CNBD1: variants seen among roughly 807,000 people sequenced by gnomAD.
CNBD1 encodes the protein cyclic nucleotide-binding domain-containing protein 1.
Under a neutral mutation model 54.4 loss-of-function variants are expected in CNBD1, and 71 were observed. The observed-to-expected ratio is 1.30, with a 90% CI of 1.08 to 1.59. The LOEUF is 1.59. Among genes scored for constraint, CNBD1 ranks in the 40% most tolerant of loss-of-function variants. CNBD1 has a pLI of 0.00. For synonymous variants in CNBD1, 182 were observed against 170.7 expected (o/e 1.07, Z -0.51); for missense variants, 659 against 518.0 (o/e 1.27, Z -2.64).
chr8:87,137,265 T>C (rs1812275131), intron 4 of CNBD1, among the ~76,000 whole-genome samples: 2 of 149,758 alleles, frequency 1.3e-5, no homozygotes. Flanking sequence ...GGCTCTATCT[T>C]GGCTAACTGC....
chr8:86,944,494 G>A (rs904096250), intron 4 of CNBD1, among the ~76,000 whole-genome samples: 1 of 152,220 alleles, frequency 6.6e-6, no homozygotes, highest in Non-Finnish European at 1.5e-5. Context: ...ACAGGAGAAA[G>A]AGGAGAGAGA....
chr8:86,979,628 T>G (rs112444368), intron 4 of CNBD1, among the ~76,000 whole-genome samples: 153 of 152,166 alleles, frequency 1.0e-3, no homozygotes, highest in African/African-American at 3.6e-3. Flanking sequence ...TAATTCCAAA[T>G]GATTTCTCTC....
At chr8:87,217,573 C>T (rs1586336566) in intron 5 of CNBD1, among the ~76,000 whole-genome samples, 2 of 144,884 alleles carry the variant, frequency 1.4e-5, no homozygotes, top group Non-Finnish European at 1.5e-5. Context: ...TTTTATTAAG[C>T]TTTTTTTTTT....
At chr8:87,238,512 A>C (rs1458447857) in intron 6 of CNBD1, among the ~76,000 whole-genome samples, 2 of 152,248 alleles carry the variant, frequency 1.3e-5, no homozygotes, top group East Asian at 3.9e-4. Context: ...TAATGTCACT[A>C]TCTCAAATTT....
chr8:87,297,315 A>G (rs1808897522), intron 8 of CNBD1, among the ~76,000 whole-genome samples: 1 of 152,134 alleles, frequency 6.6e-6, no homozygotes, highest in Admixed American at 6.6e-5. Context: ...AGTCTTCAAA[A>G]TCCAGTGTTA....
chr8:87,018,254 CA>C (rs1586201051), intron 4 of CNBD1, among the ~76,000 whole-genome samples: 3 of 152,150 alleles, frequency 2.0e-5, no homozygotes, highest in East Asian at 3.9e-4. Context: ...AAAAACAAAA[CA>C]AAAAACAAAA....
intron 4 of CNBD1, among the ~76,000 whole-genome samples, chr8:86,961,102 G>A (rs1321481052): frequency 6.6e-6 from 1 of 151,992 alleles, no homozygotes; most frequent in Non-Finnish European, 1.5e-5. Flanking sequence ...TTTATATATA[G>A]CAATATATGT....
intron 8 of CNBD1, among the ~76,000 whole-genome samples, chr8:87,297,118 C>A (rs1248800538): frequency 7.5e-6 from 1 of 133,356 alleles, no homozygotes; most frequent in Non-Finnish European, 1.5e-5. Context: ...GTGGAGCTTG[C>A]AGTGAGCCGA....
At chr8:87,149,118 G>A (rs1026834973) in intron 4 of CNBD1, among the ~76,000 whole-genome samples, 8 of 152,142 alleles carry the variant, frequency 5.3e-5, no homozygotes, top group African/African-American at 1.9e-4. Context: ...AGGTTGAAAT[G>A]TCTTTTATTT....
intron 4 of CNBD1, among the ~76,000 whole-genome samples, chr8:86,953,929 G>C (rs1393267474): frequency 6.6e-6 from 1 of 152,134 alleles, no homozygotes; most frequent in Non-Finnish European, 1.5e-5. Flanking sequence ...CACTCCTTTG[G>C]ACACTCCAGG....
At chr8:87,424,009 G>A (rs1263429985) in intron 2 of CNBD1, among the ~76,000 whole-genome samples, 2 of 152,212 alleles carry the variant, frequency 1.3e-5, no homozygotes, top group South Asian at 2.1e-4. Flanking sequence ...TCTTGGGAGA[G>A]TGTATGTGTC....
chr8:87,293,001 G>A (rs868092053), intron 8 of CNBD1, among the ~76,000 whole-genome samples: 14 of 152,008 alleles, frequency 9.2e-5, no homozygotes, highest in African/African-American at 2.2e-4. Context: ...TCTGATAAAC[G>A]ACTTTTTATT....
chr8:87,369,597 T>C (rs780007118), intron 10 of CNBD1, among the ~76,000 whole-genome samples: 4 of 152,016 alleles, frequency 2.6e-5, no homozygotes, highest in African/African-American at 9.7e-5. Flanking sequence ...GCTGATAGTC[T>C]TTTTCTTTCA....
chr8:87,052,973 A>G (rs1190131111), intron 4 of CNBD1, among the ~76,000 whole-genome samples: 1 of 119,532 alleles, frequency 8.4e-6, no homozygotes, highest in Non-Finnish European at 1.7e-5. Flanking sequence ...GAGGCTTTGG[A>G]GTGGATGGTG....
chr8:86,985,066 C>T (rs988721519), intron 4 of CNBD1, among the ~76,000 whole-genome samples: 8 of 152,034 alleles, frequency 5.3e-5, no homozygotes, highest in African/African-American at 1.9e-4. Flanking sequence ...GGGGGCAGGT[C>T]TTTCGTGTGC....
chr8:87,012,455 C>A (rs1238677326), intron 4 of CNBD1, among the ~76,000 whole-genome samples: 1 of 152,080 alleles, frequency 6.6e-6, no homozygotes, highest in Non-Finnish European at 1.5e-5. Flanking sequence ...ATATTTAACC[C>A]AAAATATATT....
At chr8:86,871,522 A>C (rs898324297) in intron 1 of CNBD1, among the ~76,000 whole-genome samples, 3 of 152,224 alleles carry the variant, frequency 2.0e-5, no homozygotes, top group Non-Finnish European at 4.4e-5. Flanking sequence ...TATTTTCCAC[A>C]ATCTGGCATT....
chr8:87,397,827 A>T (rs962128017), intron 2 of CNBD1, among the ~76,000 whole-genome samples: 3 of 151,938 alleles, frequency 2.0e-5, no homozygotes, highest in Non-Finnish European at 4.4e-5. Context: ...TCATGGGGGC[A>T]GGTCTTTCCC....
At chr8:87,232,847 G>C (rs1272225342) in intron 5 of CNBD1, among the ~76,000 whole-genome samples, 1 of 152,090 alleles carries the variant, frequency 6.6e-6, no homozygotes, top group Non-Finnish European at 1.5e-5. Context: ...AGAGTCATGT[G>C]AGATATTTGA....
Sources: allele counts gnomAD v4.1 joint callset (sites outside exome capture counted in the v4.1 genomes callset), GRCh38; gene constraint gnomAD v4.1.1; transcripts MANE v1.5; gene names NCBI Gene and HGNC (gene_info 2026-07-23, HGNC 2026-07-21).